Variants in MIER3 observed in about 807,000 individuals in gnomAD.
MIER3 encodes mesoderm induction early response protein 3.
In MIER3, 9 loss-of-function variants were observed where a neutral mutation model predicts 63.2. The observed-to-expected ratio is 0.14, with a 90% CI of 0.09 to 0.25. MIER3 has a LOEUF of 0.25. Ranked by LOEUF, MIER3 falls within the 10% of genes least tolerant of loss-of-function variation. MIER3 has a pLI of 1.00. For synonymous variants in MIER3, 205 were observed against 224.9 expected (o/e 0.91, Z 0.79); for missense variants, 512 against 666.2 (o/e 0.77, Z 2.55).
intron 1 of MIER3, among the ~76,000 whole-genome samples, chr5:56,951,283 G>A (rs928520312): frequency 6.6e-6 from 1 of 151,990 alleles, no homozygotes; most frequent in African/African-American, 2.4e-5. Flanking sequence ...TCCCTGGACC[G>A]TCAGCGCGCC....
At chr5:56,931,333 T>C (rs979442057) in intron 8 of MIER3, among the ~76,000 whole-genome samples, 1 of 152,114 alleles carries the variant, frequency 6.6e-6, no homozygotes, top group Admixed American at 6.5e-5. Context: ...AAATAATCTA[T>C]CTACCTTCCC....
chr5:56,935,512 T>C lies in MIER3; in HGVS notation c.523-12A>G, dbSNP rs753224372. 3 of 1,579,362 alleles carry C rather than the reference T, an allele frequency of 1.9e-6. No homozygotes were observed. The highest frequency in any genetic ancestry group is 2.2e-5 in the East Asian group (1 of 44,648). On this transcript the variant is annotated splice_polypyrimidine_tract_variant and intron_variant, in intron 6 of 12. Coordinates refer to ENST00000381199, the MANE Select transcript of MIER3 (RefSeq NM_001297599.2). ...CCAATCATTATTTCCTACAGGAAAATTGAGAGGTAAAAATAACTTATTAAA... is the reference window on the plus strand; with the variant it reads ...CCAATCATTATTTCCTACAGGAAAACTGAGAGGTAAAAATAACTTATTAAA...
intron 3 of MIER3, among the ~76,000 whole-genome samples, 161 bp from the exon 4 acceptor site, chr5:56,939,178 G>A (rs1278334650): frequency 3.3e-5 from 5 of 152,172 alleles, no homozygotes; most frequent in African/African-American, 1.2e-4. Flanking sequence ...CAGAAAACAG[G>A]ACCAAACACC....
At chr5:56,925,362 A>G (rs1749914387) in intron 10 of MIER3, 1 of 453,500 alleles carries the variant, frequency 2.2e-6, no homozygotes. Flanking sequence ...AGAAAACTCC[A>G]AAGAATCAAC....
Position 56,923,383 on chromosome 5 carries a change from G to T in MIER3, c.1398C>A (p.Asn466Lys). ...FETGFYHSEL[N>K]PMNMCSEESE... ...ACTCTTCACTGCACATGTTCATAGG[G>T]TTTAGCTCCGAGTGATAAAATCCAG... Residue 466 changes from asparagine to lysine, a missense_variant, in exon 13 of 13, where the codon AAC becomes AAA. Transcript: ENST00000381199. The T allele has an allele frequency of 1.2e-6, 2 of 1,614,134 alleles. No homozygotes were observed. Among genetic ancestry groups the T allele is most frequent in the Non-Finnish European group, 8.5e-7 (1 of 1,180,016 alleles).
intron 9 of MIER3, among the ~76,000 whole-genome samples, chr5:56,930,397 A>G (rs1054216035): frequency 6.6e-6 from 1 of 151,838 alleles, no homozygotes. Context: ...TACTTTGGAC[A>G]TATTGTCATG....
At chr5:56,948,516 A>G (rs191494879) in intron 2 of MIER3, among the ~76,000 whole-genome samples, 6 of 152,180 alleles carry the variant, frequency 3.9e-5, no homozygotes, top group African/African-American at 1.2e-4. Context: ...ATACAAAAAA[A>G]TTAGCCGGGC....
At chr5:56,937,805 A>G in intron 4 of MIER3, 107 bp from the exon 5 acceptor site, 1 of 863,906 alleles carries the variant, frequency 1.2e-6, no homozygotes, top group Non-Finnish European at 1.6e-6. Context: ...GAACCTTATG[A>G]GAGAAATATG....
At position 56,938,863 on chromosome 5, in the gene MIER3, T is replaced by G. The variant is rs539311039; in HGVS notation, c.315+20A>C. 1 of 1,605,520 alleles carries G rather than the reference T, an allele frequency of 6.2e-7. No homozygotes were observed. The highest frequency in any genetic ancestry group is 1.1e-5 in the South Asian group (1 of 90,250). On this transcript the variant is annotated intron_variant, in intron 4 of 12. Transcript: ENST00000381199. ...AATGGTAACAGACCCTGAATTTTTC[T>G]TTCAAATGCTCACACTTACTTTGTC...
intron 2 of MIER3, 109 bp downstream of exon 2, chr5:56,950,519 T>C (rs1750982857): frequency 1.7e-6 from 2 of 1,180,034 alleles, no homozygotes; most frequent in Non-Finnish European, 2.4e-6. Flanking sequence ...TAAAAATCAA[T>C]GAAGAAAAAC....
chr5:56,935,817 T>G (rs1198596707), intron 5 of MIER3, 66 bp from the exon 6 acceptor site: 2 of 1,201,532 alleles, frequency 1.7e-6, no homozygotes, highest in African/African-American at 3.0e-5. Context: ...GAATGCCTGT[T>G]GTATTTTACA....
At chr5:56,946,726 A>G (rs889670804) in intron 3 of MIER3, among the ~76,000 whole-genome samples, 200 bp downstream of exon 3, 7 of 152,082 alleles carry the variant, frequency 4.6e-5, no homozygotes, top group African/African-American at 1.7e-4. Flanking sequence ...CTGTGTTGAT[A>G]TAAGCTTAAA....
chr5:56,947,172 T>G, intron 2 of MIER3, 101 bp from the exon 3 acceptor site: 1 of 1,166,826 alleles, frequency 8.6e-7, no homozygotes, highest in Non-Finnish European at 1.2e-6. Flanking sequence ...CATGTTTATA[T>G]GAGGGTTTTA....
chr5:56,939,887 G>A (rs1283100126), intron 3 of MIER3, among the ~76,000 whole-genome samples: 1 of 152,236 alleles, frequency 6.6e-6, no homozygotes, highest in Non-Finnish European at 1.5e-5. Flanking sequence ...TAGCCTAGGT[G>A]TGTAGTAGGC....
intron 3 of MIER3, among the ~76,000 whole-genome samples, chr5:56,944,870 T>A (rs887721408): frequency 1.3e-5 from 2 of 151,656 alleles, no homozygotes; most frequent in African/African-American, 4.8e-5. Context: ...AATTGTTAAA[T>A]TTTTTTGGTA....
chr5:56,944,975 G>A (rs894347603), intron 3 of MIER3, among the ~76,000 whole-genome samples: 2 of 152,110 alleles, frequency 1.3e-5, no homozygotes, highest in Non-Finnish European at 2.9e-5. Context: ...GAGATTACAT[G>A]TCTGAGCCAC....
In MIER3 at chr5:56,920,124, A is replaced by C. The variant is rs186469920; in HGVS notation, c.*3004T>G. 1 of 152,732 alleles carries C rather than the reference A, an allele frequency of 6.5e-6. No homozygotes were observed. The highest frequency in any genetic ancestry group is 6.5e-5 in the Admixed American group (1 of 15,296). 9.5% of individuals were successfully genotyped at this position (152,732 alleles called of 1,614,324 possible). A position where few individuals can be genotyped will look rare whatever the true frequency, so the allele number is the denominator to read the frequency against. On this transcript the variant is annotated 3_prime_UTR_variant, in exon 13 of 13. Coordinates refer to ENST00000381199, the MANE Select transcript of MIER3 (RefSeq NM_001297599.2). ...TGTTCTCAAATATTTATGAGCCTCA[A>C]CATTTTAAAAATTAAAAAGGAAATG...
At chr5:56,935,566 C>T in intron 6 of MIER3, 66 bp from the exon 7 acceptor site, 1 of 1,493,674 alleles carries the variant, frequency 6.7e-7, no homozygotes, top group Non-Finnish European at 9.1e-7. Flanking sequence ...AGCCCCATAT[C>T]ATTAATCAGT....
Position 56,933,247 on chromosome 5 carries a change from C to A in MIER3, c.747G>T (p.Gln249His). ...TGTTTCAACAGAAGCTGAAGTATAC[C>A]TGTTCATTGTCCCTTGTGTGTGTTC... ...SAGTHTRDNE[Q>H]ALYELLKCNH... is the part of the protein sequence containing the mutation. Residue 249 changes from glutamine to histidine, a missense_variant and splice_region_variant, in exon 8 of 13, where the codon CAG (glutamine) becomes CAT (histidine). Around this residue, in one of 5 missense-constraint regions of MIER3, gnomAD observed 118 missense variants for 133.6 expected, o/e 0.88. Coordinates refer to ENST00000381199, the MANE Select transcript of MIER3 (RefSeq NM_001297599.2). 6.3e-7 allele frequency: 1 copy of A among 1,597,434 alleles called. No individual in the cohort carries two copies.
Sources: gnomAD v4.1 joint callset for allele counts (sites outside exome capture counted in the v4.1 genomes callset) on GRCh38, gnomAD v4.1.1 for gene constraint, gnomAD v4.1.1 regional missense constraint, MANE v1.5 for transcripts, NCBI Gene and HGNC (gene_info 2026-07-23, HGNC 2026-07-21) for gene names.